Variants in SLC24A2 observed in about 807,000 individuals in gnomAD.
SLC24A2 encodes the protein sodium/potassium/calcium exchanger 2.
A neutral mutation model predicts 62.0 loss-of-function variants in SLC24A2; 36 were observed. That is an observed-to-expected ratio of 0.58 (90% CI 0.44 to 0.77). The LOEUF is 0.77. SLC24A2 is among the 30% of genes least tolerant of loss of function. The probability of loss-of-function intolerance (pLI) is 0.00; values close to 1 mark genes in which losing one functional copy is unlikely to be tolerated. For synonymous variants in SLC24A2, 358 were observed against 294.0 expected, an observed-to-expected ratio of 1.22 and a Z score of -2.23; for missense variants, 846 against 817.9, an observed-to-expected ratio of 1.03 and a Z score of -0.42.
chr9:19,990,908 G>T, the SLC24A2 span, among the ~76,000 whole-genome samples: 2 of 43,456 alleles, frequency 4.6e-5, no homozygotes, highest in Non-Finnish European at 1.1e-4. Context: ...TCTCTAGAGG[G>T]ACAGGACTAA....
chr9:20,149,986 C>A, the SLC24A2 span, among the ~76,000 whole-genome samples: 1 of 152,026 alleles, frequency 6.6e-6, no homozygotes, highest in African/African-American at 2.4e-5. Context: ...TCACTTCCCA[C>A]ACCCTTATAG....
In SLC24A2 at chr9:19,583,488, A is replaced by C. The variant is rs142027501; in HGVS notation, c.1130-6466T>G. On this transcript the variant is annotated intron_variant, in intron 5 of 10. Coordinates refer to ENST00000341998, the MANE Select transcript of SLC24A2 (RefSeq NM_020344.4). ...GCAGCAGACAAGCTTCAAAAGGGCAAGGTTTTTCACTGGTTTTGTTCACTG... is the reference window on the plus strand; with the variant it reads ...GCAGCAGACAAGCTTCAAAAGGGCACGGTTTTTCACTGGTTTTGTTCACTG... Among the ~76,000 whole-genome samples, 25 of 152,334 alleles carry C rather than the reference A, an allele frequency of 1.6e-4. No homozygotes were observed. The East Asian group carries it at 4.6e-3, about 28-fold the overall frequency.
chr9:20,053,323 T>C, the SLC24A2 span, among the ~76,000 whole-genome samples: 2,832 of 152,250 alleles, frequency 0.019, 83 homozygotes, highest in African/African-American at 0.065. Context: ...TTCCAACACA[T>C]TGGGAAAGTG....
the SLC24A2 span, among the ~76,000 whole-genome samples, chr9:20,166,948 C>T: frequency 2.6e-5 from 4 of 152,006 alleles, no homozygotes; most frequent in Non-Finnish European, 4.4e-5. Context: ...TCAACCTAAC[C>T]TTTCACCTCA....
the SLC24A2 span, among the ~76,000 whole-genome samples, chr9:20,082,571 T>C: frequency 6.6e-6 from 1 of 152,250 alleles, no homozygotes; most frequent in Non-Finnish European, 1.5e-5. Flanking sequence ...TCTGCATGGC[T>C]GCTCTGAGGC....
At chr9:20,176,212 A>G in the SLC24A2 span, among the ~76,000 whole-genome samples, 1 of 152,056 alleles carries the variant, frequency 6.6e-6, no homozygotes, top group Non-Finnish European at 1.5e-5. Flanking sequence ...TGAGGCTTAA[A>G]AATGAAATAG....
At chr9:20,258,082 C>A in the SLC24A2 span, among the ~76,000 whole-genome samples, 1 of 152,196 alleles carries the variant, frequency 6.6e-6, no homozygotes, top group Non-Finnish European at 1.5e-5. Context: ...ACCCCCTACA[C>A]ACACCCCATG....
chr9:19,945,987 T>C, the SLC24A2 span, among the ~76,000 whole-genome samples: 3 of 152,156 alleles, frequency 2.0e-5, no homozygotes, highest in African/African-American at 7.2e-5. Context: ...GTAGAGAAGA[T>C]TGTCACCCAA....
At chr9:20,255,169 C>T in the SLC24A2 span, among the ~76,000 whole-genome samples, 262 of 152,300 alleles carry the variant, frequency 1.7e-3, 1 homozygote, top group African/African-American at 6.0e-3. Flanking sequence ...CTAATATCTA[C>T]GCCATCATCC....
chr9:19,933,558 A>G, the SLC24A2 span, among the ~76,000 whole-genome samples: 1 of 152,182 alleles, frequency 6.6e-6, no homozygotes, highest in African/African-American at 2.4e-5. Flanking sequence ...CTGTACAGGT[A>G]AAAACAGATC....
the SLC24A2 span, among the ~76,000 whole-genome samples, chr9:20,006,917 C>T: frequency 6.6e-6 from 1 of 152,118 alleles, no homozygotes; most frequent in African/African-American, 2.4e-5. Flanking sequence ...AAAAGCATTA[C>T]TGTGAGGATA....
intron 2 of SLC24A2, among the ~76,000 whole-genome samples, chr9:19,768,284 T>A (rs1822580479): frequency 6.6e-6 from 1 of 152,186 alleles, no homozygotes; most frequent in Non-Finnish European, 1.5e-5. Flanking sequence ...CTAATTCACA[T>A]TCTCTCACTT....
chr9:19,734,941 T>C (rs1821459234), intron 2 of SLC24A2, among the ~76,000 whole-genome samples: 1 of 152,020 alleles, frequency 6.6e-6, no homozygotes, highest in African/African-American at 2.4e-5. Flanking sequence ...ATTCAGGACA[T>C]AGGCATGGGC....
At chr9:19,689,621 A>G (rs1364049381) in intron 2 of SLC24A2, among the ~76,000 whole-genome samples, 1 of 152,052 alleles carries the variant, frequency 6.6e-6, no homozygotes, top group Admixed American at 6.6e-5. Flanking sequence ...ATCTAATATA[A>G]TCTTCATCAT....
At chr9:19,829,231 CTCTT>C in the SLC24A2 span, among the ~76,000 whole-genome samples, 5 of 152,170 alleles carry the variant, frequency 3.3e-5, no homozygotes, top group Non-Finnish European at 7.3e-5. Context: ...TCTTTCAAGA[CTCTT>C]TCTATGAAGT....
intron 4 of SLC24A2, among the ~76,000 whole-genome samples, chr9:19,605,266 T>G (rs13291707): frequency 0.064 from 9,765 of 152,264 alleles, 405 homozygotes; most frequent in Non-Finnish European, 0.094. Context: ...TTCTGTAGAT[T>G]TTTTATCAAT....
At chr9:20,011,641 T>C in the SLC24A2 span, among the ~76,000 whole-genome samples, 1 of 152,118 alleles carries the variant, frequency 6.6e-6, no homozygotes. Flanking sequence ...AAAGCATATT[T>C]AAGGAAGTAA....
In SLC24A2 at chr9:19,521,073, A is replaced by G. The variant is rs375465824; in HGVS notation, c.1570-13T>C. ...TTGTCTCTCCAACCTAAATGTCAGGACAGGAATAAACATCTCAGTGTTTGA... is the reference window on the plus strand; with the variant it reads ...TTGTCTCTCCAACCTAAATGTCAGGGCAGGAATAAACATCTCAGTGTTTGA... On this transcript the variant is annotated splice_polypyrimidine_tract_variant and intron_variant, in intron 9 of 10. Coordinates refer to ENST00000341998, the MANE Select transcript of SLC24A2 (RefSeq NM_020344.4). 3.5e-5 allele frequency: 57 copies of G among 1,613,180 alleles called. No homozygotes were observed. The highest frequency in any genetic ancestry group is 2.0e-4 in the Admixed American group (12 of 59,990).
chr9:20,053,478 G>A, the SLC24A2 span, among the ~76,000 whole-genome samples: 9 of 152,002 alleles, frequency 5.9e-5, no homozygotes, highest in South Asian at 4.2e-4. Flanking sequence ...TCTGATCTTC[G>A]TTTCTAGTCT....
Sources: gnomAD v4.1 joint callset for allele counts (sites outside exome capture counted in the v4.1 genomes callset) on GRCh38, gnomAD v4.1.1 for gene constraint, MANE v1.5 for transcripts, NCBI Gene and HGNC (gene_info 2026-07-23, HGNC 2026-07-21) for gene names.